Variants in ARFGAP3 observed in about 807,000 individuals in gnomAD.
The protein encoded by ARFGAP3 is ADP-ribosylation factor GTPase-activating protein 3.
ARFGAP3 carries 72 observed loss-of-function variants against 75.0 expected under a neutral mutation model. The ratio of observed to expected loss-of-function variants is 0.96; its 90% confidence interval spans 0.79 to 1.17. ARFGAP3 has a LOEUF of 1.17. Among genes scored for constraint, ARFGAP3 ranks in the 50% most tolerant of loss-of-function variants. ARFGAP3 has a pLI of 0.00. For synonymous variants in ARFGAP3, 221 were observed against 217.9 expected, an observed-to-expected ratio of 1.01 and a Z score of -0.13; for missense variants, 620 against 626.6, an observed-to-expected ratio of 0.99 and a Z score of 0.11.
intron 4 of ARFGAP3, 102 bp from the exon 5 acceptor site, chr22:42,834,427 G>A: frequency 6.6e-7 from 1 of 1,516,196 alleles, no homozygotes; most frequent in Non-Finnish European, 8.8e-7. Context: ...CCTAAAGATT[G>A]GTGCTTTCCA....
chr22:42,799,239 G>A (rs1230192331), intron 14 of ARFGAP3, 79 bp from the exon 15 acceptor site: 16 of 1,574,814 alleles, frequency 1.0e-5, no homozygotes, highest in Middle Eastern at 1.7e-4. Context: ...AGTGCTCAAC[G>A]GCTCCAGAGA....
rs139285501 is a variant in ARFGAP3, at chr22:42,806,903, T to C, written c.1411+170A>G. On this transcript the variant is annotated intron_variant, in intron 14 of 15. Transcript: ENST00000263245. ...CTTTAATTTCATGACTTGGTCTCCTTACGTGTGAAGCCTGGAATAGTAACT... is the reference window on the plus strand; with the variant it reads ...CTTTAATTTCATGACTTGGTCTCCTCACGTGTGAAGCCTGGAATAGTAACT... 5.1e-4 allele frequency among the ~76,000 whole-genome samples: 78 copies of C among 152,374 alleles called. 1 individual carries two copies. In the East Asian group the frequency reaches 0.013, roughly 26 times the overall value.
At chr22:42,851,751 A>G (rs752080189) in intron 1 of ARFGAP3, among the ~76,000 whole-genome samples, 11 of 152,242 alleles carry the variant, frequency 7.2e-5, no homozygotes, top group Non-Finnish European at 1.5e-4. Flanking sequence ...AAAGCAGAAC[A>G]TCAGTTCTTA....
At chr22:42,817,912 TA>T in intron 9 of ARFGAP3, 55 bp from the exon 10 acceptor site, 2 of 1,394,332 alleles carry the variant, frequency 1.4e-6, no homozygotes, top group Non-Finnish European at 1.9e-6. Flanking sequence ...GTTCTTATAT[TA>T]AAATAGCAAG....
rs1926479119 is a variant in ARFGAP3 at position 42,835,455 on chromosome 22, G to A, written c.300C>T (p.Asp100=). The change falls in exon 4 of 16, where the codon GAC becomes GAT. Residue 100 remains aspartate, a synonymous_variant. Transcript: ENST00000263245. ...CACGACTGTTGTACTTGGCATTGGT[G>A]TCATTGGTGGAACACCCATGTTGAT... ...FFHQHGCSTN[D]TNAKYNSRAA... 1 of 1,614,062 alleles carries A rather than the reference G, an allele frequency of 6.2e-7. No individual in the cohort carries two copies. Among genetic ancestry groups the A allele is most frequent in the Non-Finnish European group, 8.5e-7 (1 of 1,179,972 alleles).
At chr22:42,836,297 G>A (rs1323779288) in intron 3 of ARFGAP3, among the ~76,000 whole-genome samples, 1 of 151,812 alleles carries the variant, frequency 6.6e-6, no homozygotes, top group African/African-American at 2.4e-5. Flanking sequence ...TTTTTGAGAT[G>A]GTCTGACTCT....
At chr22:42,856,926 C>T (rs1014562232) in intron 1 of ARFGAP3, among the ~76,000 whole-genome samples, 188 bp downstream of exon 1, 1 of 150,286 alleles carries the variant, frequency 6.7e-6, no homozygotes, top group African/African-American at 2.4e-5. Context: ...CTGCGGCCTC[C>T]CGCCCGGGCC....
At chr22:42,848,919 C>A (rs1927145843) in intron 1 of ARFGAP3, among the ~76,000 whole-genome samples, 2 of 152,134 alleles carry the variant, frequency 1.3e-5, no homozygotes, top group South Asian at 4.1e-4. Flanking sequence ...GACACTATGG[C>A]CTTTTCCTGT....
At chr22:42,841,594 G>GT (rs1455216249) in intron 2 of ARFGAP3, among the ~76,000 whole-genome samples, 1 of 152,160 alleles carries the variant, frequency 6.6e-6, no homozygotes, top group Non-Finnish European at 1.5e-5. Flanking sequence ...AGTAAAGGCA[G>GT]TGAGTATAGC....
chr22:42,857,137 G>A lies in ARFGAP3; in HGVS notation c.46C>T (p.Leu16Phe). ...KQDILTIFKR[L>F]RSVPTNKVCF... ...ACCTTGTTAGTGGGCACCGAGCGGA[G>A]GCGCTTGAAGATGGTCAAGATGTCC... Residue 16 changes from leucine (L) to phenylalanine (F), a missense_variant, in exon 1 of 16, where the codon CTC becomes TTC. Physicochemically the swap from Leu to Phe is conservative, Grantham distance 22. Transcript: ENST00000263245. 6.6e-7 allele frequency: 1 copy of A among 1,515,670 alleles called. No homozygotes were observed. Among genetic ancestry groups the A allele is most frequent in the African/African-American group, 1.4e-5 (1 of 69,574 alleles). The allele number at this position is 1,515,670 out of a possible 1,614,324, so 93.9% of individuals were successfully genotyped here.
intron 14 of ARFGAP3, chr22:42,799,382 A>G (rs555882743): frequency 3.1e-5 from 9 of 287,206 alleles, no homozygotes; most frequent in Admixed American, 6.5e-5. Context: ...GGGGGACTTA[A>G]CACCACTATG....
At chr22:42,847,268 G>A (rs1240318202) in intron 2 of ARFGAP3, 2 of 374,468 alleles carry the variant, frequency 5.3e-6, no homozygotes, top group African/African-American at 4.3e-5. Context: ...CTGGGCTTAA[G>A]TGATCCTCCC....
intron 2 of ARFGAP3, among the ~76,000 whole-genome samples, chr22:42,842,245 TCC>T (rs1926815351): frequency 6.6e-6 from 1 of 151,268 alleles, no homozygotes; most frequent in East Asian, 1.9e-4. Context: ...CCTTAGGTGA[TCC>T]ACCCACCTTG....
chr22:42,805,818 T>C (rs1422121570), intron 14 of ARFGAP3, among the ~76,000 whole-genome samples: 1 of 152,200 alleles, frequency 6.6e-6, no homozygotes, highest in Non-Finnish European at 1.5e-5. Context: ...ACTCTGGCCC[T>C]GGCCTCTGGC....
intron 14 of ARFGAP3, among the ~76,000 whole-genome samples, chr22:42,805,042 G>C (rs1925056146): frequency 6.6e-6 from 1 of 152,246 alleles, no homozygotes; most frequent in Admixed American, 6.5e-5. Context: ...GAGGAGGGAG[G>C]TTTGCTCAAG....
At position 42,823,672 on chromosome 22, in the gene ARFGAP3, T is replaced by G; in HGVS notation, c.656A>C (p.Asn219Thr). The change falls in exon 8 of 16, where the codon AAT (asparagine) becomes ACT (threonine). Residue 219 changes from asparagine to threonine, a missense_variant. Physicochemically the swap from Asn to Thr is moderately conservative, Grantham distance 65. Transcript: ENST00000263245. ...EVSSIIKKKP[N>T]QAKKGLGAKK... is the part of the protein sequence containing the mutation. ...AATACTCACGCCTTTTTTAGCTTGA[T>G]TTGGTTTCTTTTTTATGATAGAGGA... 1.3e-6 allele frequency: 2 copies of G among 1,570,882 alleles called. No homozygotes were observed. The highest frequency in any genetic ancestry group is 2.3e-5 in the East Asian group (1 of 43,952).
intron 14 of ARFGAP3, among the ~76,000 whole-genome samples, chr22:42,802,267 C>A (rs1924896125): frequency 6.6e-6 from 1 of 151,714 alleles, no homozygotes; most frequent in Non-Finnish European, 1.5e-5. Flanking sequence ...CAGGACAACT[C>A]CCAGGCTCCT....
At chr22:42,812,992 G>T (rs1259292960) in intron 11 of ARFGAP3, among the ~76,000 whole-genome samples, 4 of 152,266 alleles carry the variant, frequency 2.6e-5, no homozygotes, top group African/African-American at 9.6e-5. Context: ...GAAGGAACCG[G>T]AAGTTACATC....
intron 5 of ARFGAP3, among the ~76,000 whole-genome samples, chr22:42,833,266 C>A (rs1926376063): frequency 6.6e-6 from 1 of 152,180 alleles, no homozygotes; most frequent in Non-Finnish European, 1.5e-5. Flanking sequence ...AAAACTGGGG[C>A]ACTGAGAATG....
Sources: allele counts gnomAD v4.1 joint callset (sites outside exome capture counted in the v4.1 genomes callset), GRCh38; gene constraint gnomAD v4.1.1; transcripts MANE v1.5; gene names NCBI Gene and HGNC (gene_info 2026-07-23, HGNC 2026-07-21).